The following SLC25A25 variants were observed in gnomAD, a reference collection of about 807,000 sequenced individuals.
The protein encoded by SLC25A25 is mitochondrial adenyl nucleotide antiporter SLC25A25.
SLC25A25 carries 32 observed loss-of-function variants against 57.7 expected under a neutral mutation model. That is an observed-to-expected ratio of 0.55 (90% CI 0.42 to 0.74). SLC25A25 has a LOEUF of 0.74. Ranked by LOEUF, SLC25A25 falls within the 30% of genes least tolerant of loss-of-function variation. The pLI is 0.00. For missense variants in SLC25A25, 556 were observed against 701.3 expected (o/e 0.79, Z 2.34); for synonymous variants, 306 against 291.2 (o/e 1.05, Z -0.52).
At chr9:128,073,737 A>C (rs185845565) in intron 1 of SLC25A25, among the ~76,000 whole-genome samples, 56 of 149,984 alleles carry the variant, frequency 3.7e-4, no homozygotes, top group Non-Finnish European at 7.4e-4. Context: ...CAACTAGAAT[A>C]CTTTTTTTTT....
chr9:128,108,366 C>T lies in SLC25A25; in HGVS notation c.*922C>T. 1 of 398,082 alleles carries T rather than the reference C, an allele frequency of 2.5e-6. No individual in the cohort carries two copies. The highest frequency in any genetic ancestry group is 4.4e-6 in the Non-Finnish European group (1 of 225,958). 24.7% of individuals were successfully genotyped at this position (398,082 alleles called of 1,614,324 possible). On this transcript the variant is annotated 3_prime_UTR_variant, in exon 11 of 11. Coordinates refer to ENST00000373069, the MANE Select transcript of SLC25A25 (RefSeq NM_001330988.2). ...AAGGACAAGCCGGACAAATGAGCGA[C>T]TTCTGTGCTTCCAGAGGAAGACGAG...
chr9:128,070,950 CAA>C (rs531221205), intron 1 of SLC25A25, among the ~76,000 whole-genome samples: 6 of 57,456 alleles, frequency 1.0e-4, no homozygotes, highest in Admixed American at 1.7e-4. Flanking sequence ...AACTCCATCT[CAA>C]AAAAAAAAAA....
At chr9:128,077,516 T>TAAAAAAAAAAAAAAA (rs567869070) in intron 1 of SLC25A25, among the ~76,000 whole-genome samples, 11 of 100,322 alleles carry the variant, frequency 1.1e-4, no homozygotes, top group African/African-American at 3.5e-4. Context: ...GACTCCGTCT[T>TAAAAAAAAAAAAAAA]AAAAAAAAAA....
chr9:128,091,578 T>G, intron 1 of SLC25A25: 12 of 1,072,624 alleles, frequency 1.1e-5, no homozygotes, highest in East Asian at 6.1e-5. Flanking sequence ...AAGCCAAACG[T>G]TTGCTCACCA....
rs1457329051 is a variant in SLC25A25, at chr9:128,095,634, G to A, written c.262-5462G>A. On this transcript the variant is annotated intron_variant, in intron 1 of 10. Coordinates refer to ENST00000373069, the MANE Select transcript of SLC25A25 (RefSeq NM_001330988.2). The surrounding 1 kb of genome is among the most constrained non-coding windows in gnomAD (Gnocchi z 4.4). ...CATTCCATGAGACTCAGTCACAGCA[G>A]CAAATAAGTTAGAACCCTTTTAAAA... Among the ~76,000 whole-genome samples, 15 of 152,156 alleles carry A rather than the reference G, an allele frequency of 9.9e-5. No individual in the cohort carries two copies. Among genetic ancestry groups the A allele is most frequent in the Non-Finnish European group, 1.8e-4 (12 of 68,036 alleles).
intron 1 of SLC25A25, among the ~76,000 whole-genome samples, chr9:128,077,512 G>A (rs1178975186): frequency 2.2e-5 from 2 of 91,304 alleles, no homozygotes; most frequent in Non-Finnish European, 4.0e-5. Context: ...GCAAGACTCC[G>A]TCTTAAAAAA....
rs776026719 is a variant in SLC25A25 at position 128,107,213 on chromosome 9, CG to C, written c.1363+40del. On this transcript the variant is annotated intron_variant, in intron 10 of 10. Coordinates refer to ENST00000373069, the MANE Select transcript of SLC25A25 (RefSeq NM_001330988.2). ...GGCCCTGGACAGTCCCCTGGGAGGT[CG>C]GGGGGAGCGGACAGAAGCATCTGAC... 9 of 1,612,176 alleles carry C rather than the reference CG, an allele frequency of 5.6e-6. No homozygotes were observed. The African/African-American group carries it at 6.7e-5, about 12-fold the overall frequency.
intron 1 of SLC25A25, chr9:128,098,750 G>A (rs1358756153): frequency 6.2e-7 from 1 of 1,611,134 alleles, no homozygotes; most frequent in Non-Finnish European, 8.5e-7. Context: ...CGCGCGGAAG[G>A]GAGAGGCGCA....
intron 1 of SLC25A25, among the ~76,000 whole-genome samples, chr9:128,084,415 G>A (rs1163487931): frequency 6.6e-6 from 1 of 151,848 alleles, no homozygotes. Flanking sequence ...CGCCCACCTC[G>A]GCCTCCCAAA....
rs1323497484 is a variant in SLC25A25, at chr9:128,108,568, TTTAA to T, written c.*1130_*1133del. On this transcript the variant is annotated 3_prime_UTR_variant, in exon 11 of 11. Coordinates refer to ENST00000373069, the MANE Select transcript of SLC25A25 (RefSeq NM_001330988.2). ...TGTCCTAACTATTTTTATAGATTTGTTTAATTAATAGCTTGTCATTTTCAAGTTC... is the reference window on the plus strand; with the variant it reads ...TGTCCTAACTATTTTTATAGATTTGTTTAATAGCTTGTCATTTTCAAGTTC... 6.4e-5 allele frequency: 16 copies of T among 248,962 alleles called. No individual in the cohort carries two copies. The highest frequency in any genetic ancestry group is 9.1e-5 in the Non-Finnish European group (12 of 131,886). 15.4% of individuals were successfully genotyped at this position (248,962 alleles called of 1,614,324 possible). A position where few individuals can be genotyped will look rare whatever the true frequency, so the allele number is the denominator to read the frequency against.
intron 1 of SLC25A25, among the ~76,000 whole-genome samples, chr9:128,072,510 C>T (rs1463214770): frequency 6.6e-6 from 1 of 152,206 alleles, no homozygotes; most frequent in Non-Finnish European, 1.5e-5. Flanking sequence ...CTCTTCTTAG[C>T]TTATAACAGT....
chr9:128,098,717 T>C, intron 1 of SLC25A25: 14 of 1,614,066 alleles, frequency 8.7e-6, no homozygotes, highest in Non-Finnish European at 1.2e-5. Context: ...CTACCGCCAG[T>C]GGAAGCAGGT....
At chr9:128,068,732 C>T (rs1374372207) in intron 1 of SLC25A25, 152 bp downstream of exon 1, 1 of 909,900 alleles carries the variant, frequency 1.1e-6, no homozygotes. Context: ...CCACTTATGC[C>T]CTGGTGGGAG....
intron 1 of SLC25A25, among the ~76,000 whole-genome samples, chr9:128,085,171 A>T (rs950372421): frequency 5.3e-5 from 8 of 152,086 alleles, no homozygotes; most frequent in African/African-American, 1.9e-4. Flanking sequence ...TCTCTACTAA[A>T]AATATAAAAA....
In SLC25A25 at chr9:128,102,432, A is replaced by G; in HGVS notation, c.575A>G (p.His192Arg). The G allele has an allele frequency of 4.3e-6, 7 of 1,613,382 alleles. No homozygotes were observed. Among genetic ancestry groups the G allele is most frequent in the Non-Finnish European group, 5.9e-6 (7 of 1,179,766 alleles). ...GAGTGGAGAGACTACCACCTCCTCCACCCCGTGGAAAACATCCCCGAGATC... is the reference window on the plus strand; with the variant it reads ...GAGTGGAGAGACTACCACCTCCTCCGCCCCGTGGAAAACATCCCCGAGATC... ...WNEWRDYHLL[H>R]PVENIPEIIL... Residue 192 changes from histidine (H) to arginine (R), a missense_variant, in exon 5 of 11, where the codon CAC becomes CGC. Physicochemically the swap from His to Arg is conservative, Grantham distance 29. Transcript: ENST00000373069. The surrounding 1 kb of genome is among the most constrained non-coding windows in gnomAD (Gnocchi z 4.1).
At position 128,068,377 on chromosome 9, in the gene SLC25A25, A is replaced by G. The variant is rs1457672398; in HGVS notation, c.58A>G (p.Thr20Ala). The change falls in exon 1 of 11, where the codon ACC becomes GCC. Residue 20 changes from threonine to alanine, a missense_variant. Physicochemically the swap from Thr to Ala is moderately conservative, Grantham distance 58 (BLOSUM62 0). Around this residue, in one of 3 missense-constraint regions of SLC25A25, gnomAD observed 248 missense variants for 273.5 expected, o/e 0.91. Coordinates refer to ENST00000373069, the MANE Select transcript of SLC25A25 (RefSeq NM_001330988.2). ...VASPPPDAAA[T>A]AASSSASSPA... Reference sequence around the variant, plus strand: ...CTCCCCGCCGCCGGACGCCGCCGCCACCGCCGCCTCTTCGTCTGCCTCATC... The same window carrying G: ...CTCCCCGCCGCCGGACGCCGCCGCCGCCGCCGCCTCTTCGTCTGCCTCATC... 8 of 1,548,684 alleles carry G rather than the reference A, an allele frequency of 5.2e-6. No homozygotes were observed. Among genetic ancestry groups the G allele is most frequent in the Non-Finnish European group, 6.1e-6 (7 of 1,156,304 alleles).
chr9:128,069,918 ATTTTTT>A (rs758820179), intron 1 of SLC25A25, among the ~76,000 whole-genome samples: 3 of 103,050 alleles, frequency 2.9e-5, no homozygotes, highest in South Asian at 6.1e-4. Context: ...CACCCAGCTA[ATTTTTT>A]TTTTTTTTTT....
intron 1 of SLC25A25, among the ~76,000 whole-genome samples, chr9:128,086,777 A>G (rs755484188): frequency 4.6e-5 from 7 of 151,636 alleles, no homozygotes; most frequent in Non-Finnish European, 8.8e-5. Context: ...TACCTGGCCT[A>G]GTTTTAGAAT....
intron 1 of SLC25A25, among the ~76,000 whole-genome samples, chr9:128,081,124 GAGCTGGCTTGGTTTA>G (rs1165000398): frequency 6.6e-6 from 1 of 152,228 alleles, no homozygotes; most frequent in Non-Finnish European, 1.5e-5. Flanking sequence ...TTGTTTAGGA[GAGCTGGCTTGGTTTA>G]AACCAGCTAT....
Sources: gnomAD v4.1 joint callset for allele counts (sites outside exome capture counted in the v4.1 genomes callset) on GRCh38, gnomAD v4.1.1 for gene constraint, gnomAD v4.1.1 regional missense constraint, Gnocchi (gnomAD v3.1) non-coding constraint, MANE v1.5 for transcripts, NCBI Gene and HGNC (gene_info 2026-07-23, HGNC 2026-07-21) for gene names.